The following DNAL1 variants were observed in gnomAD, a reference collection of about 807,000 sequenced individuals.
DNAL1 encodes dynein axonemal light chain 1.
In DNAL1, 17 loss-of-function variants were observed where a neutral mutation model predicts 29.4. That is an observed-to-expected ratio of 0.58 (90% CI 0.40 to 0.87). The LOEUF is 0.87. DNAL1 is among the 40% of genes least tolerant of loss of function. The probability of loss-of-function intolerance (pLI) is 0.00; values close to 1 mark genes in which losing one functional copy is unlikely to be tolerated. For synonymous variants in DNAL1, 78 were observed against 76.3 expected (o/e 1.02, Z -0.12); for missense variants, 188 against 214.1 (o/e 0.88, Z 0.76).
chr14:73,647,983 G>C (rs1180655005), intron 1 of DNAL1, among the ~76,000 whole-genome samples: 5 of 151,922 alleles, frequency 3.3e-5, no homozygotes, highest in South Asian at 2.1e-4. Flanking sequence ...ATTTCTTCTT[G>C]TTTGTTCGTT....
chr14:73,689,006 T>C (rs1892090713), intron 6 of DNAL1, among the ~76,000 whole-genome samples: 1 of 150,692 alleles, frequency 6.6e-6, no homozygotes, highest in African/African-American at 2.4e-5. Context: ...ATCCCCAAAA[T>C]TGTAACAGTA....
At chr14:73,678,083 A>G (rs1163675371) in intron 5 of DNAL1, among the ~76,000 whole-genome samples, 1 of 151,432 alleles carries the variant, frequency 6.6e-6, no homozygotes, top group Non-Finnish European at 1.5e-5. Context: ...TTTTTTGTAG[A>G]GATACGGTTT....
intron 2 of DNAL1, 111 bp downstream of exon 2, chr14:73,654,996 C>T: frequency 8.9e-7 from 1 of 1,125,244 alleles, no homozygotes; most frequent in East Asian, 2.7e-5. Context: ...TGGAACTATT[C>T]AGCTATCTTG....
intron 5 of DNAL1, among the ~76,000 whole-genome samples, chr14:73,684,049 A>G (rs936295951): frequency 6.6e-6 from 1 of 152,184 alleles, no homozygotes; most frequent in African/African-American, 2.4e-5. Flanking sequence ...GAGATCATGC[A>G]GTGTCATTCT....
At chr14:73,679,587 C>G (rs1019799590) in intron 5 of DNAL1, among the ~76,000 whole-genome samples, 2 of 152,050 alleles carry the variant, frequency 1.3e-5, no homozygotes, top group Admixed American at 6.6e-5. Flanking sequence ...TTAGTCAGAC[C>G]CTGGCAATCT....
intron 7 of DNAL1, among the ~76,000 whole-genome samples, chr14:73,694,724 C>G (rs1022782552): frequency 6.7e-6 from 1 of 149,342 alleles, no homozygotes. Flanking sequence ...GAGTCTTGCT[C>G]TGTCGCCCAG....
Position 73,681,619 on chromosome 14 carries a change from AAAAAAAAAAAAAAAATAT to A in DNAL1, c.265-5638_265-5621del, listed in dbSNP as rs1477634866. ...CCCATCTCTACCAAAAAAAAAAAAAAAAAAAAAAAAAAAAATATATATATATATATATATATTAGTTGG... is the reference window on the plus strand; with the variant it reads ...CCCATCTCTACCAAAAAAAAAAAAAAATATATATATATATATATTAGTTGG... On this transcript the variant is annotated intron_variant, in intron 5 of 7. Transcript: ENST00000553645. Among the ~76,000 whole-genome samples, 292 of 42,090 alleles carry A rather than the reference AAAAAAAAAAAAAAAATAT, an allele frequency of 6.9e-3. 2 individuals carry two copies. Among genetic ancestry groups the A allele is most frequent in the Non-Finnish European group, 0.013 (267 of 20,200 alleles). 27.6% of individuals were successfully genotyped at this position (42,090 alleles called of 152,430 possible). A position where few individuals can be genotyped will look rare whatever the true frequency, so the allele number is the denominator to read the frequency against.
intron 1 of DNAL1, among the ~76,000 whole-genome samples, chr14:73,654,197 G>GTAGA (rs1213428652): frequency 1.1e-4 from 16 of 152,180 alleles, no homozygotes; most frequent in African/African-American, 3.9e-4. Flanking sequence ...TAAGAAAGAT[G>GTAGA]TAGATCCTTA....
chr14:73,662,970 G>A (rs1891391088), intron 4 of DNAL1, among the ~76,000 whole-genome samples: 1 of 151,890 alleles, frequency 6.6e-6, no homozygotes, highest in African/African-American at 2.4e-5. Context: ...CTTTGAAGGA[G>A]CTCTCAAATA....
At chr14:73,660,056 A>G (rs1891309377) in intron 3 of DNAL1, among the ~76,000 whole-genome samples, 1 of 152,112 alleles carries the variant, frequency 6.6e-6, no homozygotes, top group Non-Finnish European at 1.5e-5. Context: ...CCTCCCAAGT[A>G]GCTGGGACTA....
intron 1 of DNAL1, among the ~76,000 whole-genome samples, chr14:73,646,168 G>C (rs1303441940): frequency 1.3e-5 from 2 of 152,160 alleles, no homozygotes; most frequent in African/African-American, 4.8e-5. Context: ...TTTATATTCA[G>C]GTGAAGAAAG....
At position 73,702,260 on chromosome 14, in the gene DNAL1, C is replaced by T. The variant is rs1343390958; in HGVS notation, c.*6318C>T. The T allele has an allele frequency of 5.3e-5, 8 of 152,340 alleles. No individual in the cohort carries two copies. Among genetic ancestry groups the T allele is most frequent in the African/African-American group, 1.9e-4 (8 of 41,546 alleles). 9.4% of individuals were successfully genotyped at this position (152,340 alleles called of 1,614,324 possible). ...TGTTCAAGCGAGTCTCCTGCCTCAGCCTCCCGAGTACTGGGACTACAGGCG... is the reference window on the plus strand; with the variant it reads ...TGTTCAAGCGAGTCTCCTGCCTCAGTCTCCCGAGTACTGGGACTACAGGCG... On this transcript the variant is annotated 3_prime_UTR_variant, in exon 8 of 8. Transcript: ENST00000553645.
Position 73,664,894 on chromosome 14 carries a change from G to A in DNAL1, c.208+2852G>A, listed in dbSNP as rs565438223. Among the ~76,000 whole-genome samples, 66 of 151,926 alleles carry A rather than the reference G, an allele frequency of 4.3e-4. 1 individual carries two copies. Among genetic ancestry groups the A allele is most frequent in the Admixed American group, 7.2e-4 (11 of 15,228 alleles). ...AATAAAAAAAAATTACGAATGCCAC[G>A]TGTGAATGTCACCCCCTCCTTGAAG... is the stretch of plus-strand genomic sequence containing the variant. On this transcript the variant is annotated intron_variant, in intron 4 of 7. Transcript: ENST00000553645.
At chr14:73,656,434 C>CTTT (rs558976461) in intron 2 of DNAL1, among the ~76,000 whole-genome samples, 3 of 132,650 alleles carry the variant, frequency 2.3e-5, no homozygotes, top group African/African-American at 5.5e-5. Context: ...ACATTTTTGA[C>CTTT]TTTTTTTTTT....
chr14:73,685,112 A>C (rs1286861137), intron 5 of DNAL1, among the ~76,000 whole-genome samples: 1 of 151,320 alleles, frequency 6.6e-6, no homozygotes, highest in East Asian at 1.9e-4. Context: ...AATGTTTTTT[A>C]TGGTGGTGAA....
chr14:73,650,451 G>C (rs1307794904), intron 1 of DNAL1, among the ~76,000 whole-genome samples: 1 of 152,068 alleles, frequency 6.6e-6, no homozygotes, highest in Non-Finnish European at 1.5e-5. Flanking sequence ...CCTTCTAATA[G>C]ATGTAAGCTC....
intron 1 of DNAL1, among the ~76,000 whole-genome samples, chr14:73,647,202 GA>G (rs1290652827): frequency 2.0e-5 from 3 of 148,894 alleles, no homozygotes; most frequent in East Asian, 2.0e-4. Context: ...ACTAAAAATA[GA>G]AAAAAAAAGA....
intron 7 of DNAL1, among the ~76,000 whole-genome samples, chr14:73,691,145 A>C (rs1009229900): frequency 6.6e-6 from 1 of 152,254 alleles, no homozygotes; most frequent in Admixed American, 6.5e-5. Flanking sequence ...ATTTCAGAAC[A>C]TATATCAGAG....
intron 2 of DNAL1, among the ~76,000 whole-genome samples, chr14:73,657,307 A>T (rs1891241195): frequency 6.6e-6 from 1 of 152,126 alleles, no homozygotes; most frequent in South Asian, 2.1e-4. Context: ...TCCACCTCCC[A>T]AGTAGGTGGA....
Sources: gnomAD v4.1 joint callset for allele counts (sites outside exome capture counted in the v4.1 genomes callset) on GRCh38, gnomAD v4.1.1 for gene constraint, MANE v1.5 for transcripts, NCBI Gene and HGNC (gene_info 2026-07-23, HGNC 2026-07-21) for gene names.